Variants in PCDHA5 observed in about 807,000 individuals in gnomAD.
The protein encoded by PCDHA5 is protocadherin alpha-5.
PCDHA5 carries 43 observed loss-of-function variants against 61.6 expected under a neutral mutation model. The ratio of observed to expected loss-of-function variants is 0.70; its 90% CI spans 0.55 to 0.90. PCDHA5 has a LOEUF of 0.90. Ranked by LOEUF, PCDHA5 falls within the 40% of genes least tolerant of loss-of-function variation. The pLI, the probability that PCDHA5 is intolerant of heterozygous loss-of-function variation, is 0.00. For synonymous variants in PCDHA5, 627 were observed against 543.9 expected, an observed-to-expected ratio of 1.15 and a Z score of -2.13; for missense variants, 1,298 against 1,222.7, an observed-to-expected ratio of 1.06 and a Z score of -0.92.
rs894945353 is a variant in PCDHA5 at position 140,936,140 on chromosome 5, G to A, written c.2353-42809G>A. ...ACTCCTGACCTTAAGTGATCTGCCC[G>A]CCTTGGCCTCCTAAAGTGCTGGGAT... is the stretch of plus-strand genomic sequence containing the variant. On this transcript the variant is annotated intron_variant, in intron 1 of 3. Coordinates refer to ENST00000529859, the MANE Select transcript of PCDHA5 (RefSeq NM_018908.3). 7.2e-5 allele frequency among the ~76,000 whole-genome samples: 11 copies of A among 152,050 alleles called. 1 individual carries two copies. The highest frequency in any genetic ancestry group is 6.6e-4 in the Admixed American group (10 of 15,256).
At chr5:140,882,891 A>G (rs782750187) in intron 1 of PCDHA5, 3 of 1,614,230 alleles carry the variant, frequency 1.9e-6, no homozygotes, top group Admixed American at 1.7e-5. Context: ...ATTCAGGAAC[A>G]TAGTTTATTA....
chr5:140,859,198 T>C lies in PCDHA5; in HGVS notation c.2352+35071T>C, dbSNP rs1554152210. 2.0e-5 allele frequency: 3 copies of C among 149,984 alleles called. 1 individual carries two copies. The highest frequency in any genetic ancestry group is 7.3e-5 in the African/African-American group (3 of 40,916). The allele number at this position is 149,984 out of a possible 1,614,324, so 9.3% of individuals were successfully genotyped here. A position where few individuals can be genotyped will look rare whatever the true frequency, so the allele number is the denominator to read the frequency against. ...CAGCATTAGGCATTGCTTATGATAT[T>C]CAGGTATTAGCTCTTTCACTTTAAG... On this transcript the variant is annotated intron_variant, in intron 1 of 3. Coordinates refer to ENST00000529859, the MANE Select transcript of PCDHA5 (RefSeq NM_018908.3).
intron 1 of PCDHA5, chr5:140,882,775 C>T (rs1554175564): frequency 2.5e-6 from 4 of 1,614,220 alleles, no homozygotes; most frequent in East Asian, 4.5e-5. Flanking sequence ...CGGCATTGAC[C>T]TACCGACTGG....
intron 1 of PCDHA5, among the ~76,000 whole-genome samples, chr5:140,917,561 C>T (rs1286710001): frequency 6.6e-6 from 1 of 152,214 alleles, no homozygotes; most frequent in Non-Finnish European, 1.5e-5. Flanking sequence ...ACTCTTTAAT[C>T]CATCTCAGGC....
intron 3 of PCDHA5, among the ~76,000 whole-genome samples, chr5:140,992,867 C>T (rs2097531825): frequency 6.6e-6 from 1 of 152,184 alleles, no homozygotes; most frequent in Admixed American, 6.5e-5. Context: ...CTCTAGCTCC[C>T]TCCTTGATAT....
At chr5:140,995,571 T>A (rs2097689586) in intron 3 of PCDHA5, among the ~76,000 whole-genome samples, 1 of 152,252 alleles carries the variant, frequency 6.6e-6, no homozygotes, top group Admixed American at 6.5e-5. Flanking sequence ...TATGTCAAGA[T>A]GAGCTATGAG....
At chr5:140,917,397 C>T (rs1606123) in intron 1 of PCDHA5, among the ~76,000 whole-genome samples, 6,084 of 150,666 alleles carry the variant, frequency 0.04, 137 homozygotes, top group Non-Finnish European at 0.052. Context: ...TGTGCAGAAG[C>T]TCTTTAGTTT....
At position 140,927,806 on chromosome 5, in the gene PCDHA5, T is replaced by C. The variant is rs1554205074; in HGVS notation, c.2353-51143T>C. 4 of 1,614,004 alleles carry C rather than the reference T, an allele frequency of 2.5e-6. No individual in the cohort carries two copies. In the African/African-American group the frequency reaches 5.3e-5, roughly 22 times the overall value. On this transcript the variant is annotated intron_variant, in intron 1 of 3. Transcript: ENST00000529859. ...GCTTCACTAGGTCCGCCTGAAACGC[T>C]CTTGGAGGCATACATTGAGGCGAGG...
intron 3 of PCDHA5, among the ~76,000 whole-genome samples, chr5:140,998,919 A>G (rs781864069): frequency 6.6e-6 from 1 of 152,248 alleles, no homozygotes; most frequent in Non-Finnish European, 1.5e-5. Flanking sequence ...TAGCTATTAT[A>G]TCCATTTTAC....
At chr5:140,970,911 T>C (rs1003828575) in intron 1 of PCDHA5, among the ~76,000 whole-genome samples, 2 of 152,194 alleles carry the variant, frequency 1.3e-5, no homozygotes, top group East Asian at 3.9e-4. Context: ...ATTTATTCAT[T>C]TATCAGAAGT....
chr5:140,843,546 C>T (rs1562414778), intron 1 of PCDHA5: 1 of 1,595,752 alleles, frequency 6.3e-7, no homozygotes, highest in African/African-American at 1.3e-5. Context: ...CTGGTGTGCT[C>T]CAGTGCGGTG....
At chr5:140,882,802 C>T (rs782615396) in intron 1 of PCDHA5, 21 of 1,614,206 alleles carry the variant, frequency 1.3e-5, no homozygotes, top group Non-Finnish European at 1.5e-5. Context: ...ACGATTATTT[C>T]ACTTTGGACG....
At chr5:140,846,397 C>T (rs1477353546) in intron 1 of PCDHA5, among the ~76,000 whole-genome samples, 11 of 101,188 alleles carry the variant, frequency 1.1e-4, no homozygotes, top group Non-Finnish European at 1.7e-4. Context: ...TTTTTTGAGA[C>T]GGAGTCTCGC....
intron 1 of PCDHA5, among the ~76,000 whole-genome samples, chr5:140,931,054 G>A (rs2087273007): frequency 6.6e-6 from 1 of 152,180 alleles, no homozygotes; most frequent in Admixed American, 6.5e-5. Context: ...CTTCAATGCT[G>A]TGTCTGGGAC....
In PCDHA5 at chr5:140,883,374, T is replaced by G. The variant is rs1554177931; in HGVS notation, c.2352+59247T>G. The G allele has an allele frequency of 2.5e-6, 4 of 1,614,054 alleles. No individual in the cohort carries two copies. The African/African-American group carries it at 5.3e-5, about 22-fold the overall frequency. On this transcript the variant is annotated intron_variant, in intron 1 of 3. Transcript: ENST00000529859. ...GAAGACACTCAGCCTAGCGCCATTA[T>G]TGCCCTAATCAGTGTGTCCGATCGT...
rs1033698977 is a variant in PCDHA5 at position 140,868,958 on chromosome 5, T to A, written c.2352+44831T>A. ...TGGTCTGAACAGTGAGGCACTCCCA[T>A]ACAAAGGAACTCCATCATACCGGAT... On this transcript the variant is annotated intron_variant, in intron 1 of 3. Coordinates refer to ENST00000529859, the MANE Select transcript of PCDHA5 (RefSeq NM_018908.3). The A allele has an allele frequency of 4.3e-6, 6 of 1,397,388 alleles. No individual in the cohort carries two copies. The African/African-American group carries it at 8.6e-5, about 20-fold the overall frequency. The allele number at this position is 1,397,388 out of a possible 1,614,324, so 86.6% of individuals were successfully genotyped here.
intron 1 of PCDHA5, among the ~76,000 whole-genome samples, chr5:140,958,384 C>G (rs1352428582): frequency 6.6e-6 from 1 of 152,098 alleles, no homozygotes; most frequent in Non-Finnish European, 1.5e-5. Context: ...ATTTTCTTAA[C>G]AGGTCATCAA....
chr5:140,889,547 T>C (rs2062267601), intron 1 of PCDHA5, among the ~76,000 whole-genome samples: 1 of 152,192 alleles, frequency 6.6e-6, no homozygotes, highest in Non-Finnish European at 1.5e-5. Context: ...TCTAATTTAC[T>C]TTTCTTCAGA....
intron 1 of PCDHA5, among the ~76,000 whole-genome samples, chr5:140,912,714 C>T (rs1312540155): frequency 6.6e-6 from 1 of 152,088 alleles, no homozygotes; most frequent in African/African-American, 2.4e-5. Context: ...CAACTTTTCT[C>T]CATTCAATAT....
Sources: allele counts gnomAD v4.1 joint callset (sites outside exome capture counted in the v4.1 genomes callset), GRCh38; gene constraint gnomAD v4.1.1; transcripts MANE v1.5; gene names NCBI Gene and HGNC (gene_info 2026-07-23, HGNC 2026-07-21).